Variants in RYR2 observed in about 807,000 individuals in gnomAD.
RYR2 encodes ryanodine receptor 2.
A neutral mutation model predicts 601.1 loss-of-function variants in RYR2; 227 were observed. The observed-to-expected ratio is 0.38, with a 90% CI of 0.34 to 0.42. RYR2 has a LOEUF of 0.42. Among genes scored for constraint, RYR2 ranks in the 10% least tolerant of loss-of-function variants. RYR2 has a pLI of 1.00. For synonymous variants in RYR2, 2,223 were observed against 2,175.1 expected, an observed-to-expected ratio of 1.02 and a Z score of -0.61; for missense variants, 4,646 against 6,156.5, an observed-to-expected ratio of 0.75 and a Z score of 8.21.
intron 1 of RYR2, among the ~76,000 whole-genome samples, chr1:237,231,414 G>T (rs1238651946): frequency 1.3e-5 from 2 of 150,628 alleles, no homozygotes; most frequent in African/African-American, 4.9e-5. Flanking sequence ...TCCTGCCTCT[G>T]CCTCCCAAAT....
chr1:237,157,706 T>C (rs980972375), intron 1 of RYR2, among the ~76,000 whole-genome samples: 2 of 152,140 alleles, frequency 1.3e-5, no homozygotes, highest in African/African-American at 4.8e-5. Flanking sequence ...AGATAGTGAA[T>C]AGAATGGTGG....
At chr1:237,550,219 A>G (rs1344797993) in intron 26 of RYR2, among the ~76,000 whole-genome samples, 1 of 152,174 alleles carries the variant, frequency 6.6e-6, no homozygotes, top group Non-Finnish European at 1.5e-5. Context: ...CATGAACTGT[A>G]CTCAGAAGTT....
chr1:237,457,637 T>C (rs1658991695), intron 16 of RYR2, among the ~76,000 whole-genome samples: 1 of 151,884 alleles, frequency 6.6e-6, no homozygotes, highest in South Asian at 2.1e-4. Context: ...GCTCAGGGAG[T>C]GTGAGTTAGT....
intron 12 of RYR2, among the ~76,000 whole-genome samples, chr1:237,435,536 TG>T (rs1707254753): frequency 6.6e-6 from 1 of 152,066 alleles, no homozygotes; most frequent in Non-Finnish European, 1.5e-5. Flanking sequence ...CAAGGGGCAT[TG>T]ATACACTGAT....
chr1:237,254,822 A>G (rs1687790571), intron 1 of RYR2, among the ~76,000 whole-genome samples: 1 of 152,208 alleles, frequency 6.6e-6, no homozygotes, highest in Admixed American at 6.5e-5. Context: ...TACCAGGCTG[A>G]TCCTAAGGGG....
rs1661570999 is a variant in RYR2 at position 237,053,667 on chromosome 1, T to C, written c.48+11098T>C. On this transcript the variant is annotated intron_variant, in intron 1 of 104. Coordinates refer to ENST00000366574, the MANE Select transcript of RYR2 (RefSeq NM_001035.3). ...CTACGTGCCATGCTTCTTGCTGGACTTATATCCACGCTTGTCCTGCCTTTA... is the reference window on the plus strand; with the variant it reads ...CTACGTGCCATGCTTCTTGCTGGACCTATATCCACGCTTGTCCTGCCTTTA... Among the ~76,000 whole-genome samples the C allele has an allele frequency of 2.6e-5, 4 of 152,258 alleles. No homozygotes were observed. The South Asian group carries it at 8.3e-4, about 31-fold the overall frequency.
At chr1:237,073,729 G>T (rs1034712304) in intron 1 of RYR2, among the ~76,000 whole-genome samples, 1 of 152,028 alleles carries the variant, frequency 6.6e-6, no homozygotes, top group Non-Finnish European at 1.5e-5. Flanking sequence ...AAATTAGCTG[G>T]GTGTTGTGGC....
At chr1:237,193,414 C>T (rs1052176270) in intron 1 of RYR2, among the ~76,000 whole-genome samples, 3 of 152,064 alleles carry the variant, frequency 2.0e-5, no homozygotes, top group Non-Finnish European at 4.4e-5. Flanking sequence ...GAGCAGAGAT[C>T]GCGCCACTGC....
chr1:237,478,496 A>G (rs986336473), intron 17 of RYR2, among the ~76,000 whole-genome samples: 1 of 152,224 alleles, frequency 6.6e-6, no homozygotes, highest in Non-Finnish European at 1.5e-5. Context: ...GTTGGTAGCT[A>G]CAAGATTAAT....
At chr1:237,743,705 T>C (rs1367549668) in intron 80 of RYR2, 1 of 469,154 alleles carries the variant, frequency 2.1e-6, no homozygotes, top group East Asian at 5.8e-5. Context: ...ACCCAACATC[T>C]TGGATTCTTT....
chr1:237,510,848 T>C (rs972355749), intron 23 of RYR2, among the ~76,000 whole-genome samples: 12 of 152,260 alleles, frequency 7.9e-5, no homozygotes, highest in African/African-American at 2.7e-4. Flanking sequence ...AAACCTTGCA[T>C]TTAGTTTAAT....
At chr1:237,348,293 T>G (rs1330160002) in intron 3 of RYR2, among the ~76,000 whole-genome samples, 11 of 152,178 alleles carry the variant, frequency 7.2e-5, no homozygotes, top group Admixed American at 7.2e-4. Flanking sequence ...GTTATTAGCC[T>G]TTGGGAAACA....
intron 1 of RYR2, among the ~76,000 whole-genome samples, chr1:237,225,469 T>C (rs537643244): frequency 2.6e-5 from 4 of 152,260 alleles, no homozygotes; most frequent in Admixed American, 2.0e-4. Flanking sequence ...TTATAAAACC[T>C]TCAGATCTTG....
intron 2 of RYR2, among the ~76,000 whole-genome samples, chr1:237,275,358 G>A (rs1167204407): frequency 6.6e-6 from 1 of 151,448 alleles, no homozygotes; most frequent in East Asian, 1.9e-4. Context: ...CAAAAACAAA[G>A]GCATTCAGAA....
intron 25 of RYR2, 38 bp from the exon 26 acceptor site, chr1:237,548,393 G>T (rs1382886405): frequency 6.2e-7 from 1 of 1,603,798 alleles, no homozygotes; most frequent in Non-Finnish European, 8.5e-7. Context: ...TTATGAAAAG[G>T]CCAATTATAC....
chr1:237,387,511 C>T (rs967189243), intron 9 of RYR2, 131 bp downstream of exon 9: 1 of 743,538 alleles, frequency 1.3e-6, no homozygotes, highest in Admixed American at 2.7e-5. Context: ...AATGCAGATA[C>T]CTGACATTTG....
rs575937839 is a variant in RYR2, at chr1:237,462,870, C to T, written c.1612+6135C>T. On this transcript the variant is annotated intron_variant, in intron 16 of 104. Transcript: ENST00000366574. ...CTTGTTCTTCAGGAAGTCTCAGAAA[C>T]GTATCGTATAAACAAGACACATCCT... Among the ~76,000 whole-genome samples the T allele has an allele frequency of 3.1e-4, 47 of 152,180 alleles. No homozygotes were observed. The South Asian group carries it at 6.6e-3, about 21-fold the overall frequency.
At position 237,500,794 on chromosome 1, in the gene RYR2, G is replaced by A. The variant is rs1306256963; in HGVS notation, c.2287G>A (p.Ala763Thr). The change falls in exon 21 of 105, where the codon GCC becomes ACC. Residue 763 changes from alanine to threonine, a missense_variant. By Grantham distance (58) the Ala-to-Thr change is moderately conservative. This residue lies in a region of RYR2 where 1,807 missense variants were observed against 2,088.1 expected (regional missense o/e 0.87). Transcript: ENST00000366574. The part of the protein sequence containing the change: ...DVISCCLDLS[A>T]PSISFRINGQ... ...CATCAGTTGCTGTTTAGATCTGAGT[G>A]CCCCAAGCATCTCGTTCCGAATTAA... is the stretch of plus-strand genomic sequence containing the variant. The A allele has an allele frequency of 9.3e-6, 15 of 1,613,852 alleles. No individual in the cohort carries two copies. The highest frequency in any genetic ancestry group is 1.3e-5 in the African/African-American group (1 of 74,928).
At chr1:237,815,579 T>C (rs1413550671) in intron 100 of RYR2, among the ~76,000 whole-genome samples, 1 of 152,208 alleles carries the variant, frequency 6.6e-6, no homozygotes, top group African/African-American at 2.4e-5. Context: ...TACCGATCTC[T>C]GCTGGAATCC....
Sources: gnomAD v4.1 joint callset for allele counts (sites outside exome capture counted in the v4.1 genomes callset) on GRCh38, gnomAD v4.1.1 for gene constraint, gnomAD v4.1.1 regional missense constraint, MANE v1.5 for transcripts, NCBI Gene and HGNC (gene_info 2026-07-23, HGNC 2026-07-21) for gene names.